The following GLI3 variants were observed in gnomAD, a reference collection of about 807,000 sequenced individuals.
GLI3 encodes the protein transcription activator GLI3.
Under a neutral mutation model 100.8 loss-of-function variants are expected in GLI3, and 20 were observed. The observed-to-expected ratio is 0.20, with a 90% CI of 0.14 to 0.29. The LOEUF (loss-of-function observed/expected upper bound fraction) is 0.29, where lower values mean the gene tolerates loss of function less well. Among genes scored for constraint, GLI3 ranks in the 10% least tolerant of loss-of-function variants. GLI3 has a pLI of 1.00. For missense variants in GLI3, 2,040 were observed against 2,128.5 expected (o/e 0.96, Z 0.82); for synonymous variants, 938 against 860.5 (o/e 1.09, Z -1.58).
At chr7:42,148,018 C>T (rs113122003) in intron 3 of GLI3, among the ~76,000 whole-genome samples, 1 of 151,996 alleles carries the variant, frequency 6.6e-6, no homozygotes, top group African/African-American at 2.4e-5. Flanking sequence ...TGCTTAGAGA[C>T]GTAAGAAAAC....
At chr7:42,247,541 C>T (rs984444155) in intron 1 of GLI3, among the ~76,000 whole-genome samples, 12 of 152,218 alleles carry the variant, frequency 7.9e-5, no homozygotes, top group African/African-American at 2.7e-4. Context: ...CAAAATATTC[C>T]ATTCATTTTC....
chr7:42,105,281 CT>C (rs1008281437), intron 3 of GLI3, among the ~76,000 whole-genome samples: 2 of 151,514 alleles, frequency 1.3e-5, no homozygotes, highest in South Asian at 2.1e-4. Flanking sequence ...ATGGCTGCTT[CT>C]TTTTTTTTCT....
At chr7:42,023,689 T>A in intron 9 of GLI3, 81 bp from the exon 10 acceptor site, 1 of 1,341,776 alleles carries the variant, frequency 7.5e-7, no homozygotes, top group Non-Finnish European at 1.1e-6. Flanking sequence ...GAAGAGAAAG[T>A]AAAAACCCAA....
intron 3 of GLI3, among the ~76,000 whole-genome samples, chr7:42,106,291 C>T (rs896792870): frequency 6.6e-6 from 1 of 152,256 alleles, no homozygotes; most frequent in African/African-American, 2.4e-5. Context: ...GACACCCACT[C>T]AGCACCTGGC....
intron 3 of GLI3, among the ~76,000 whole-genome samples, chr7:42,088,945 TG>T (rs1583546791): frequency 6.6e-6 from 1 of 152,342 alleles, no homozygotes; most frequent in East Asian, 1.9e-4. Context: ...ACTCAGCAGC[TG>T]CTTACCTTGT....
intron 3 of GLI3, among the ~76,000 whole-genome samples, chr7:42,118,821 T>G (rs1785924024): frequency 6.6e-6 from 1 of 152,222 alleles, no homozygotes; most frequent in Non-Finnish European, 1.5e-5. Flanking sequence ...TAAGAGCTCC[T>G]AACGTACATG....
chr7:42,042,007 G>T (rs1242337257), intron 6 of GLI3, among the ~76,000 whole-genome samples: 2 of 139,240 alleles, frequency 1.4e-5, no homozygotes, highest in Middle Eastern at 3.4e-3. Flanking sequence ...CAATCCCAAC[G>T]ATTTCCTTTT....
chr7:42,232,016 T>A (rs979155023), intron 1 of GLI3, among the ~76,000 whole-genome samples: 4 of 152,070 alleles, frequency 2.6e-5, no homozygotes, highest in African/African-American at 9.7e-5. Context: ...AGTGCACTTA[T>A]CCCCCATTAC....
At chr7:41,997,683 G>A (rs80024210) in intron 10 of GLI3, among the ~76,000 whole-genome samples, 4 of 152,144 alleles carry the variant, frequency 2.6e-5, no homozygotes, top group Non-Finnish European at 4.4e-5. Flanking sequence ...TTTATTTTGC[G>A]TGAGCATGGC....
upstream of GLI3, among the ~76,000 whole-genome samples, chr7:42,239,229 GC>G (rs1268089401): frequency 6.6e-6 from 1 of 152,208 alleles, no homozygotes; most frequent in Non-Finnish European, 1.5e-5. Flanking sequence ...CCCTGTGGCA[GC>G]CCCATCTCCG....
intron 4 of GLI3, among the ~76,000 whole-genome samples, chr7:42,069,859 C>T (rs77614373): frequency 0.026 from 3,951 of 152,274 alleles, 64 homozygotes; most frequent in South Asian, 0.042. Context: ...GGCCATGAAC[C>T]GTATTTGGCC....
intron 3 of GLI3, among the ~76,000 whole-genome samples, chr7:42,143,578 A>G (rs1562755410): frequency 6.6e-6 from 1 of 152,256 alleles, no homozygotes; most frequent in Non-Finnish European, 1.5e-5. Context: ...AAAAAAATCT[A>G]TGCAGTTTTT....
intron 4 of GLI3, among the ~76,000 whole-genome samples, chr7:42,053,609 T>C (rs1433948354): frequency 6.6e-6 from 1 of 152,202 alleles, no homozygotes; most frequent in Non-Finnish European, 1.5e-5. Context: ...GTCTGCTTGA[T>C]GCACATTTTT....
intron 2 of GLI3, among the ~76,000 whole-genome samples, chr7:42,177,159 G>C (rs1263565624): frequency 6.6e-6 from 1 of 152,188 alleles, no homozygotes; most frequent in Non-Finnish European, 1.5e-5. Flanking sequence ...CCATATTCTA[G>C]TAGGGGTGGG....
At chr7:42,005,491 A>T (rs1047740823) in intron 10 of GLI3, among the ~76,000 whole-genome samples, 1 of 152,070 alleles carries the variant, frequency 6.6e-6, no homozygotes, top group Middle Eastern at 3.4e-3. Context: ...ACACACACAC[A>T]CACACAGATT....
intron 1 of GLI3, among the ~76,000 whole-genome samples, chr7:42,250,103 A>C (rs986832707): frequency 3.9e-5 from 6 of 152,022 alleles, no homozygotes; most frequent in South Asian, 2.1e-4. Context: ...TCAACAACAA[A>C]AAAAAAGTTA....
At chr7:42,041,636 T>A (rs141432913) in intron 6 of GLI3, among the ~76,000 whole-genome samples, 2,362 of 152,238 alleles carry the variant, frequency 0.016, 49 homozygotes, top group African/African-American at 0.055. Context: ...GCAGGTAATC[T>A]TTCTTTATTT....
intron 1 of GLI3, among the ~76,000 whole-genome samples, chr7:42,228,664 G>A (rs907000801): frequency 2.0e-5 from 3 of 152,158 alleles, no homozygotes; most frequent in African/African-American, 7.2e-5. Flanking sequence ...CCTGAGTGTC[G>A]CATTATAATA....
chr7:42,085,132 G>A (rs372651167), intron 3 of GLI3, among the ~76,000 whole-genome samples: 2 of 151,780 alleles, frequency 1.3e-5, no homozygotes, highest in South Asian at 2.1e-4. Context: ...GGCTGGTCTC[G>A]AATGGTTATG....
Sources: allele counts gnomAD v4.1 joint callset (sites outside exome capture counted in the v4.1 genomes callset), GRCh38; gene constraint gnomAD v4.1.1; transcripts MANE v1.5; gene names NCBI Gene and HGNC (gene_info 2026-07-23, HGNC 2026-07-21).